The following SH2D3C variants were observed in gnomAD, a reference collection of about 807,000 sequenced individuals.
SH2D3C encodes the protein SH2 domain-containing protein 3C.
Under a neutral mutation model 75.2 loss-of-function variants are expected in SH2D3C, and 25 were observed. The ratio of observed to expected loss-of-function variants is 0.33; its 90% confidence interval spans 0.24 to 0.46. The LOEUF (loss-of-function observed/expected upper bound fraction) is 0.46, where lower values mean the gene tolerates loss of function less well. Among genes scored for constraint, SH2D3C ranks in the 20% least tolerant of loss-of-function variants. The probability of loss-of-function intolerance (pLI) is 1.00; values close to 1 mark genes in which losing one functional copy is unlikely to be tolerated. For synonymous variants in SH2D3C, 450 were observed against 473.7 expected (o/e 0.95, Z 0.65); for missense variants, 933 against 1,165.3 (o/e 0.80, Z 2.90).
chr9:127,742,050 G>A, intron 8 of SH2D3C, 91 bp from the exon 9 acceptor site: 1 of 1,242,702 alleles, frequency 8.0e-7, no homozygotes, highest in South Asian at 1.5e-5. Context: ...GGCCGGGAGA[G>A]GCGGAGGGCG....
chr9:127,754,979 G>A lies in SH2D3C; in HGVS notation c.556-3679C>T. On this transcript the variant is annotated intron_variant, in intron 3 of 11. Transcript: ENST00000314830. This position sits in a 1 kb window ranked among gnomAD's most constrained non-coding sequence, Gnocchi z 4.4. ...CCAGCCCAGCCCGACCCTGCCGGGCGCCGCTGAGCTGCAGCTCCCCGGCTG... is the reference window on the plus strand; with the variant it reads ...CCAGCCCAGCCCGACCCTGCCGGGCACCGCTGAGCTGCAGCTCCCCGGCTG... The A allele has an allele frequency of 1.9e-6, 1 of 532,626 alleles. No individual in the cohort carries two copies. Among genetic ancestry groups the A allele is most frequent in the South Asian group, 3.1e-5 (1 of 32,130 alleles). 33.0% of individuals were successfully genotyped at this position (532,626 alleles called of 1,614,324 possible).
intron 2 of SH2D3C, chr9:127,767,033 C>T (rs748001611): frequency 7.8e-6 from 12 of 1,536,056 alleles, no homozygotes; most frequent in Admixed American, 5.9e-5. Context: ...GATTCCCTGC[C>T]GGGAAGGCTC....
In SH2D3C at chr9:127,761,479, C is replaced by T. The variant is rs1005272538; in HGVS notation, c.555+132G>A. ...CCAAATGCTGCCTCGACTCCGAGAA[C>T]CTCCCCTCCTGGGAATACACAGTGA... On this transcript the variant is annotated intron_variant, in intron 3 of 11. Transcript: ENST00000314830. 10 of 605,488 alleles carry T rather than the reference C, an allele frequency of 1.7e-5. No homozygotes were observed. In the South Asian group the frequency reaches 2.2e-4, roughly 13 times the overall value. The allele number at this position is 605,488 out of a possible 1,614,324, so 37.5% of individuals were successfully genotyped here. A position where few individuals can be genotyped will look rare whatever the true frequency, so the allele number is the denominator to read the frequency against.
intron 2 of SH2D3C, among the ~76,000 whole-genome samples, chr9:127,768,673 C>T (rs1845679097): frequency 6.6e-6 from 1 of 152,192 alleles, no homozygotes; most frequent in Non-Finnish European, 1.5e-5. Flanking sequence ...TGCTCAAGGC[C>T]AGCAATGGCT....
chr9:127,750,361 G>A (rs772050509), intron 4 of SH2D3C, among the ~76,000 whole-genome samples: 2 of 151,962 alleles, frequency 1.3e-5, no homozygotes, highest in African/African-American at 4.8e-5. Flanking sequence ...CACCATGTGG[G>A]CCAGGCTGGT....
chr9:127,773,939 A>C (rs780970539), intron 2 of SH2D3C, 51 bp downstream of exon 2: 1 of 1,109,042 alleles, frequency 9.0e-7, no homozygotes, highest in Non-Finnish European at 1.3e-6. Context: ...AAAGAAAAAG[A>C]AAAAAACAGA....
intron 3 of SH2D3C, among the ~76,000 whole-genome samples, chr9:127,759,783 A>G (rs1323134162): frequency 6.6e-6 from 1 of 152,010 alleles, no homozygotes; most frequent in Admixed American, 6.5e-5. Flanking sequence ...GGAGATCAAG[A>G]CCATCCTGGC....
intron 2 of SH2D3C, chr9:127,766,887 C>T (rs1157948923): frequency 6.0e-6 from 9 of 1,508,188 alleles, no homozygotes; most frequent in Non-Finnish European, 8.0e-6. Flanking sequence ...TCCTTCACGC[C>T]CATCTTCACT....
chr9:127,745,582 G>C (rs1275021201), intron 6 of SH2D3C, among the ~76,000 whole-genome samples: 1 of 138,274 alleles, frequency 7.2e-6, no homozygotes, highest in East Asian at 2.2e-4. Flanking sequence ...TTCAATTCTT[G>C]AGCCTCAGCC....
intron 2 of SH2D3C, among the ~76,000 whole-genome samples, chr9:127,770,710 G>A (rs1845716787): frequency 6.6e-6 from 1 of 152,200 alleles, no homozygotes; most frequent in East Asian, 1.9e-4. Flanking sequence ...TCCTGGCTAA[G>A]CATGATGCCA....
intron 2 of SH2D3C, among the ~76,000 whole-genome samples, chr9:127,765,752 C>T (rs1845620985): frequency 6.6e-6 from 1 of 152,184 alleles, no homozygotes; most frequent in Non-Finnish European, 1.5e-5. Context: ...TGATCAAATC[C>T]AGGAATCAAA....
intron 1 of SH2D3C, 37 bp downstream of exon 1, chr9:127,778,554 G>A (rs774630547): frequency 6.5e-7 from 1 of 1,529,010 alleles, no homozygotes; most frequent in Admixed American, 1.7e-5. Context: ...AGGAGAGCCA[G>A]GGATGGAGGA....
At position 127,739,782 on chromosome 9, in the gene SH2D3C, C is replaced by G. The variant is rs574294324; in HGVS notation, c.2307G>C (p.Thr769=). The G allele has an allele frequency of 1.3e-5, 21 of 1,601,810 alleles. No homozygotes were observed. In the South Asian group the frequency reaches 2.2e-4, roughly 17 times the overall value. ...PPEGPEPWGS[T]EHGVEVVLAH... The stretch of plus-strand genomic sequence containing the variant: ...CCAGCACCACCTCCACGCCGTGCTC[C>G]GTGCTGCCCCAGGGCTCAGGGCCCT... Residue 769 remains threonine (T), a synonymous_variant, in exon 11 of 12, where the codon ACG becomes ACC. Transcript: ENST00000314830. The surrounding 1 kb of genome is among the most constrained non-coding windows in gnomAD (Gnocchi z 4.3).
intron 2 of SH2D3C, among the ~76,000 whole-genome samples, chr9:127,767,760 C>T (rs1845662312): frequency 6.6e-6 from 1 of 152,192 alleles, no homozygotes; most frequent in Non-Finnish European, 1.5e-5. Flanking sequence ...ATATCCCGTC[C>T]TCACAGTGAC....
intron 2 of SH2D3C, among the ~76,000 whole-genome samples, chr9:127,771,842 G>C (rs1351189963): frequency 6.6e-6 from 1 of 152,238 alleles, no homozygotes; most frequent in Non-Finnish European, 1.5e-5. Context: ...GGAAAAACAT[G>C]AGTTCTACTA....
Position 127,751,390 on chromosome 9 carries a change from C to T in SH2D3C, c.556-90G>A, listed in dbSNP as rs1455293783. 1 of 1,293,228 alleles carries T rather than the reference C, an allele frequency of 7.7e-7. No homozygotes were observed. Among genetic ancestry groups the T allele is most frequent in the Non-Finnish European group, 1.1e-6 (1 of 907,216 alleles). 80.1% of individuals were successfully genotyped at this position (1,293,228 alleles called of 1,614,324 possible). ...TCATTCTACCATGGATGAACTCCTC[C>T]TATCCTGGGACTCTGGGAACACTAA... On this transcript the variant is annotated intron_variant, in intron 3 of 11. Coordinates refer to ENST00000314830, the MANE Select transcript of SH2D3C (RefSeq NM_170600.3). The surrounding 1 kb of genome is among the most constrained non-coding windows in gnomAD (Gnocchi z 4.1).
chr9:127,754,836 C>G lies in SH2D3C; in HGVS notation c.556-3536G>C, dbSNP rs374945080. 1 of 492,636 alleles carries G rather than the reference C, an allele frequency of 2.0e-6. No individual in the cohort carries two copies. Among genetic ancestry groups the G allele is most frequent in the Non-Finnish European group, 4.1e-6 (1 of 241,594 alleles). The allele number at this position is 492,636 out of a possible 1,614,324, so 30.5% of individuals were successfully genotyped here. On this transcript the variant is annotated intron_variant, in intron 3 of 11. Transcript: ENST00000314830. The surrounding 1 kb of genome is among the most constrained non-coding windows in gnomAD (Gnocchi z 4.4). ...TCCTGCGGAGGAGGCAGAAACGGAC[C>G]GGCATCTACCGCAGCCCAGAGTCCC...
chr9:127,771,644 C>T (rs1845742026), intron 2 of SH2D3C, among the ~76,000 whole-genome samples: 1 of 152,256 alleles, frequency 6.6e-6, no homozygotes, highest in African/African-American at 2.4e-5. Context: ...CGCCCCGCCC[C>T]GCTCCCGCGA....
At chr9:127,759,719 C>T (rs1187188851) in intron 3 of SH2D3C, among the ~76,000 whole-genome samples, 1 of 151,814 alleles carries the variant, frequency 6.6e-6, no homozygotes, top group Non-Finnish European at 1.5e-5. Flanking sequence ...CGTGGTGGCT[C>T]ACGCCTGTAA....
Sources: allele counts gnomAD v4.1 joint callset (sites outside exome capture counted in the v4.1 genomes callset), GRCh38; gene constraint gnomAD v4.1.1; non-coding constraint Gnocchi (gnomAD v3.1); transcripts MANE v1.5; gene names NCBI Gene and HGNC (gene_info 2026-07-23, HGNC 2026-07-21).